Variants in HGF observed in about 807,000 individuals in gnomAD.
HGF encodes the protein hepatocyte growth factor.
HGF carries 39 observed loss-of-function variants against 111.6 expected under a neutral mutation model. The ratio of observed to expected loss-of-function variants is 0.35; its 90% confidence interval spans 0.27 to 0.46. HGF has a LOEUF of 0.46. HGF is among the 20% of genes least tolerant of loss of function. The probability of loss-of-function intolerance (pLI) is 1.00; values close to 1 mark genes in which losing one functional copy is unlikely to be tolerated. For missense variants in HGF, 735 were observed against 910.5 expected (o/e 0.81, Z 2.48); for synonymous variants, 285 against 294.8 (o/e 0.97, Z 0.34).
chr7:81,737,904 C>T (rs1335466626), intron 7 of HGF, among the ~76,000 whole-genome samples: 1 of 152,070 alleles, frequency 6.6e-6, no homozygotes, highest in Non-Finnish European at 1.5e-5. Context: ...GATCTAAATA[C>T]TCAGTGTGAT....
Position 81,729,793 on chromosome 7 carries a change from AC to A in HGF, c.866-15del, listed in dbSNP as rs1426446564. ...TAGTATTGTCAGCTATTGGCAAAAA[AC>A]AACAACAAAAAAAAACTTATATAAA... On this transcript the variant is annotated splice_polypyrimidine_tract_variant and intron_variant, in intron 7 of 17. Transcript: ENST00000222390. 4.6e-6 allele frequency: 7 copies of A among 1,510,302 alleles called. No individual in the cohort carries two copies. The Admixed American group carries it at 6.2e-5, about 13-fold the overall frequency. The allele number at this position is 1,510,302 out of a possible 1,614,324, so 93.6% of individuals were successfully genotyped here. A position where few individuals can be genotyped will look rare whatever the true frequency, so the allele number is the denominator to read the frequency against.
chr7:81,769,208 CA>C (rs1166867537), intron 1 of HGF, among the ~76,000 whole-genome samples: 2 of 152,104 alleles, frequency 1.3e-5, no homozygotes, highest in Non-Finnish European at 2.9e-5. Context: ...AACTCCTCCC[CA>C]AACGGCAAAT....
At chr7:81,717,149 C>A in intron 11 of HGF, 83 bp downstream of exon 11, 1 of 1,388,742 alleles carries the variant, frequency 7.2e-7, no homozygotes, top group Non-Finnish European at 1.0e-6. Context: ...AAATGCCAGA[C>A]CACCTATATT....
chr7:81,769,805 G>A (rs71555100), intron 1 of HGF, 79 bp downstream of exon 1: 79 of 1,023,330 alleles, frequency 7.7e-5, no homozygotes, highest in Non-Finnish European at 1.1e-4. Context: ...GGTAAAAAGA[G>A]GGTGTTAAAA....
intron 7 of HGF, among the ~76,000 whole-genome samples, chr7:81,736,233 A>G (rs1376013785): frequency 6.6e-6 from 1 of 152,148 alleles, no homozygotes; most frequent in Non-Finnish European, 1.5e-5. Flanking sequence ...AAAAAATTCC[A>G]GAAGTAAACA....
At chr7:81,726,613 C>G (rs1049427549) in intron 8 of HGF, among the ~76,000 whole-genome samples, 1 of 151,884 alleles carries the variant, frequency 6.6e-6, no homozygotes, top group Admixed American at 6.6e-5. Flanking sequence ...GAGAGGTTAC[C>G]TAAAATCTTT....
At chr7:81,731,230 C>T (rs1259762161) in intron 7 of HGF, among the ~76,000 whole-genome samples, 3 of 152,150 alleles carry the variant, frequency 2.0e-5, no homozygotes, top group African/African-American at 7.2e-5. Context: ...ATAAGTTGTA[C>T]TGTGCAAATT....
intron 1 of HGF, among the ~76,000 whole-genome samples, chr7:81,767,274 G>T (rs767056125): frequency 6.7e-6 from 1 of 149,142 alleles, no homozygotes. Context: ...ACTGCTGCTC[G>T]CTTCAATATA....
At chr7:81,749,909 C>T (rs551056798) in intron 5 of HGF, among the ~76,000 whole-genome samples, 17 of 151,966 alleles carry the variant, frequency 1.1e-4, no homozygotes, top group African/African-American at 3.9e-4. Flanking sequence ...TTCATTTGAA[C>T]AGTCTAAAGT....
At chr7:81,751,896 T>G (rs1181387837) in intron 5 of HGF, 1 of 1,374,646 alleles carries the variant, frequency 7.3e-7, no homozygotes, top group African/African-American at 1.5e-5. Flanking sequence ...CAGGCAGTGT[T>G]GAAATTCAAA....
At chr7:81,744,664 G>A (rs897208170) in intron 6 of HGF, among the ~76,000 whole-genome samples, 4 of 152,142 alleles carry the variant, frequency 2.6e-5, no homozygotes, top group African/African-American at 7.2e-5. Context: ...TCTGCTCTGA[G>A]AGAGAAAGAA....
chr7:81,738,303 C>T (rs1787899785), intron 7 of HGF, among the ~76,000 whole-genome samples: 1 of 151,848 alleles, frequency 6.6e-6, no homozygotes, highest in African/African-American at 2.4e-5. Context: ...TATATAGAAC[C>T]AACTGTTATT....
At position 81,701,908 on chromosome 7, in the gene HGF, T is replaced by A. The variant is rs1214258245; in HGVS notation, c.*673A>T. On this transcript the variant is annotated 3_prime_UTR_variant, in exon 18 of 18. Transcript: ENST00000222390. ...CATCATTTTTTAATATTTCTACTGG[T>A]CTTTAGAGATTTCTGGTTTTTTTGA... 1 of 157,690 alleles carries A rather than the reference T, an allele frequency of 6.3e-6. No individual in the cohort carries two copies. The highest frequency in any genetic ancestry group is 1.4e-5 in the Non-Finnish European group (1 of 71,382). The allele number at this position is 157,690 out of a possible 1,614,324, so 9.8% of individuals were successfully genotyped here. A position where few individuals can be genotyped will look rare whatever the true frequency, so the allele number is the denominator to read the frequency against.
In HGF at chr7:81,762,851, T is replaced by G; in HGVS notation, c.110A>C (p.Asn37Thr). Residue 37 changes from asparagine (N) to threonine (T), a missense_variant, in exon 2 of 18, where the codon AAT becomes ACT. This residue lies in a region of HGF where 553 missense variants were observed against 685.6 expected (regional missense o/e 0.81). Transcript: ENST00000222390. ...TGATTTTTTGAATTCATGAATTGTATTTCTTCTTTTCCTTTGTCCCTCTAT... is the reference window on the plus strand; with the variant it reads ...TGATTTTTTGAATTCATGAATTGTAGTTCTTCTTTTCCTTTGTCCCTCTAT... ...PYAEGQRKRRNTIHEFKKSAK... is the reference protein window; with the variant it reads ...PYAEGQRKRRTTIHEFKKSAK... 6.4e-7 allele frequency: 1 copy of G among 1,563,238 alleles called. No individual in the cohort carries two copies. Among genetic ancestry groups the G allele is most frequent in the Non-Finnish European group, 8.8e-7 (1 of 1,134,274 alleles).
At chr7:81,757,528 T>C (rs1479865476) in intron 3 of HGF, among the ~76,000 whole-genome samples, 1 of 152,172 alleles carries the variant, frequency 6.6e-6, no homozygotes, top group Non-Finnish European at 1.5e-5. Context: ...TATATATGCA[T>C]AGATAGCTCC....
At chr7:81,717,490 G>C (rs907739226) in intron 10 of HGF, 125 bp from the exon 11 acceptor site, 1 of 977,114 alleles carries the variant, frequency 1.0e-6, no homozygotes, top group Non-Finnish European at 1.6e-6. Context: ...CCTTTTACTT[G>C]GGATGAATTT....
rs371239796 is a variant in HGF at position 81,759,945 on chromosome 7, C to T, written c.255-1141G>A. 4.8e-4 allele frequency among the ~76,000 whole-genome samples: 73 copies of T among 152,070 alleles called. No homozygotes were observed. In the South Asian group the frequency reaches 0.011, roughly 22 times the overall value. ...TATTTATATAACAAAATGATAAATA[C>T]GCAAAAAAATGATAAATTTGTTTTT... On this transcript the variant is annotated intron_variant, in intron 2 of 17. Transcript: ENST00000222390.
intron 1 of HGF, among the ~76,000 whole-genome samples, chr7:81,767,388 G>C (rs1230526551): frequency 6.6e-6 from 1 of 152,026 alleles, no homozygotes; most frequent in Non-Finnish European, 1.5e-5. Flanking sequence ...GATAACTGAG[G>C]TCTTTGAACC....
At chr7:81,762,588 G>C in intron 2 of HGF, 119 bp downstream of exon 2, 3 of 830,524 alleles carry the variant, frequency 3.6e-6, no homozygotes, top group Non-Finnish European at 4.1e-6. Context: ...GTTAAATCTA[G>C]AGTCAAACTT....
Sources: allele counts gnomAD v4.1 joint callset (sites outside exome capture counted in the v4.1 genomes callset), GRCh38; gene constraint gnomAD v4.1.1; regional missense constraint gnomAD v4.1.1; transcripts MANE v1.5; gene names NCBI Gene and HGNC (gene_info 2026-07-23, HGNC 2026-07-21).